The following CLTC variants were observed in gnomAD, a reference collection of about 807,000 sequenced individuals.
CLTC encodes the protein clathrin heavy chain.
Under a neutral mutation model 195.8 loss-of-function variants are expected in CLTC, and 16 were observed. The ratio of observed to expected loss-of-function variants is 0.08; its 90% confidence interval spans 0.06 to 0.12. The LOEUF (loss-of-function observed/expected upper bound fraction) is 0.12. Among genes scored for constraint, CLTC ranks in the 10% least tolerant of loss-of-function variants. The probability of loss-of-function intolerance (pLI) is 1.00; values close to 1 mark genes in which losing one functional copy is unlikely to be tolerated. For missense variants in CLTC, 796 were observed against 2,027.0 expected (o/e 0.39, Z 11.66); for synonymous variants, 667 against 689.4 (o/e 0.97, Z 0.51).
At chr17:59,669,398 AATATTGTTATTC>A (rs2032797701) in intron 14 of CLTC, among the ~76,000 whole-genome samples, 1 of 152,146 alleles carries the variant, frequency 6.6e-6, no homozygotes, top group Non-Finnish European at 1.5e-5. Context: ...TAGAAACTAA[AATATTGTTATTC>A]ATATATAATT....
chr17:59,626,255 G>C (rs939165585), intron 1 of CLTC, among the ~76,000 whole-genome samples: 1 of 152,060 alleles, frequency 6.6e-6, no homozygotes, highest in African/African-American at 2.4e-5. Flanking sequence ...CTTGATTGTG[G>C]ATCTTTTATG....
chr17:59,676,853 A>C (rs1437612502), intron 16 of CLTC, 101 bp from the exon 17 acceptor site: 7 of 886,802 alleles, frequency 7.9e-6, no homozygotes, highest in Non-Finnish European at 1.0e-5. Flanking sequence ...AGTATGTGAA[A>C]GCACATTATA....
chr17:59,662,078 G>A (rs1210628202), intron 8 of CLTC, among the ~76,000 whole-genome samples: 3 of 151,702 alleles, frequency 2.0e-5, no homozygotes, highest in African/African-American at 7.3e-5. Context: ...ACTCCAGCCT[G>A]GGTGATAGAA....
chr17:59,682,895 T>C lies in CLTC; in HGVS notation c.3766-12T>C. ...TACATTTGAGTTCACAGAAAGGAAATGTTTATTCTAGGTCTGCTTCGCCTG... is the reference window on the plus strand; with the variant it reads ...TACATTTGAGTTCACAGAAAGGAAACGTTTATTCTAGGTCTGCTTCGCCTG... On this transcript the variant is annotated splice_polypyrimidine_tract_variant and intron_variant, in intron 23 of 31. Transcript: ENST00000269122. This position sits in a 1 kb window ranked among gnomAD's most constrained non-coding sequence, Gnocchi z 6.8. 6.2e-7 allele frequency: 1 copy of C among 1,613,506 alleles called. No homozygotes were observed. Among genetic ancestry groups the C allele is most frequent in the South Asian group, 1.1e-5 (1 of 90,946 alleles).
intron 4 of CLTC, among the ~76,000 whole-genome samples, chr17:59,650,356 A>G (rs1300173401): frequency 6.6e-6 from 1 of 152,134 alleles, no homozygotes; most frequent in Non-Finnish European, 1.5e-5. Flanking sequence ...TTAGGTTTCT[A>G]TTTGGAAATA....
intron 1 of CLTC, among the ~76,000 whole-genome samples, chr17:59,636,932 CTTTT>C (rs771908096): frequency 9.6e-6 from 1 of 103,670 alleles, no homozygotes; most frequent in Admixed American, 1.0e-4. Context: ...CCGGCTAATT[CTTTT>C]TTTTTTTTTT....
At chr17:59,687,183 C>A in intron 30 of CLTC, 1 of 183,338 alleles carries the variant, frequency 5.5e-6, no homozygotes, top group Non-Finnish European at 1.0e-5. Flanking sequence ...TTTAATAGAG[C>A]TGTAGGACAT....
intron 13 of CLTC, among the ~76,000 whole-genome samples, chr17:59,667,231 T>C (rs1456207546): frequency 6.6e-6 from 1 of 152,144 alleles, no homozygotes; most frequent in African/African-American, 2.4e-5. Context: ...AAATATGTAG[T>C]GGTGTTGAAA....
At chr17:59,664,944 T>G in intron 10 of CLTC, 35 bp downstream of exon 10, 1 of 1,609,528 alleles carries the variant, frequency 6.2e-7, no homozygotes, top group Non-Finnish European at 8.5e-7. Flanking sequence ...TAGAAGCTGA[T>G]TGAAATGGAG....
chr17:59,692,536 A>G (rs926796803), intron 31 of CLTC, among the ~76,000 whole-genome samples: 8 of 152,320 alleles, frequency 5.3e-5, no homozygotes, highest in African/African-American at 1.9e-4. Context: ...TTTTCTGTAT[A>G]TGGCCAACAA....
At chr17:59,661,681 G>T in intron 8 of CLTC, 38 bp downstream of exon 8, 3 of 1,572,732 alleles carry the variant, frequency 1.9e-6, no homozygotes, top group Non-Finnish European at 2.6e-6. Flanking sequence ...TGCTTTGGTT[G>T]CATTAAATAT....
chr17:59,620,012 A>C lies in CLTC; in HGVS notation c.-120A>C. 1.2e-6 allele frequency: 1 copy of C among 820,340 alleles called. No individual in the cohort carries two copies. 50.8% of individuals were successfully genotyped at this position (820,340 alleles called of 1,614,324 possible). The stretch of plus-strand genomic sequence containing the variant: ...GCCTGCCAGTTTCCTGCGTCCCCGG[A>C]GAGGATCCTGCTGAGCCCAGCCTCC... On this transcript the variant is annotated 5_prime_UTR_variant, in exon 1 of 32. Transcript: ENST00000269122.
chr17:59,624,304 T>G (rs2031476068), intron 1 of CLTC, among the ~76,000 whole-genome samples: 1 of 152,036 alleles, frequency 6.6e-6, no homozygotes, highest in South Asian at 2.1e-4. Context: ...TATCCTAGAG[T>G]GCTTTTTGTC....
chr17:59,692,191 A>C (rs1328810129), intron 31 of CLTC, among the ~76,000 whole-genome samples: 2 of 151,984 alleles, frequency 1.3e-5, no homozygotes, highest in Non-Finnish European at 2.9e-5. Flanking sequence ...GTGGCATGCA[A>C]CTGTAGTCCC....
intron 5 of CLTC, among the ~76,000 whole-genome samples, chr17:59,653,111 A>G (rs1164221268): frequency 6.6e-6 from 1 of 152,150 alleles, no homozygotes; most frequent in Non-Finnish European, 1.5e-5. Flanking sequence ...GCCTTAAACT[A>G]GATTAGGCTT....
intron 31 of CLTC, among the ~76,000 whole-genome samples, chr17:59,692,519 G>A (rs2033328450): frequency 6.6e-6 from 1 of 152,176 alleles, no homozygotes; most frequent in African/African-American, 2.4e-5. Context: ...GTTCTCTACA[G>A]GTCATGTTTT....
chr17:59,666,765 T>G lies in CLTC; in HGVS notation c.1948-32T>G. On this transcript the variant is annotated intron_variant, in intron 12 of 31. Transcript: ENST00000269122. This position sits in a 1 kb window ranked among gnomAD's most constrained non-coding sequence, Gnocchi z 4.9. ...ACCATGAGGTTCAACATTATTTCAT[T>G]TATTCATTCATTCATTTATTTTGTC... 1 of 1,584,456 alleles carries G rather than the reference T, an allele frequency of 6.3e-7. No homozygotes were observed. The highest frequency in any genetic ancestry group is 8.6e-7 in the Non-Finnish European group (1 of 1,160,444).
chr17:59,621,803 A>C (rs577886952), intron 1 of CLTC, among the ~76,000 whole-genome samples: 17 of 152,164 alleles, frequency 1.1e-4, no homozygotes, highest in Admixed American at 2.0e-4. Context: ...TGCTTTTGTT[A>C]AAGTGGGGTG....
chr17:59,688,324 C>T (rs2033228179), intron 30 of CLTC, among the ~76,000 whole-genome samples: 1 of 152,146 alleles, frequency 6.6e-6, no homozygotes, highest in Non-Finnish European at 1.5e-5. Context: ...TAACTGACTG[C>T]ATGTTACTTT....
Sources: gnomAD v4.1 joint callset for allele counts (sites outside exome capture counted in the v4.1 genomes callset) on GRCh38, gnomAD v4.1.1 for gene constraint, Gnocchi (gnomAD v3.1) non-coding constraint, MANE v1.5 for transcripts, NCBI Gene and HGNC (gene_info 2026-07-23, HGNC 2026-07-21) for gene names.